The following MOK variants were observed in gnomAD, a reference collection of about 807,000 sequenced individuals.
MOK encodes MAPK/MAK/MRK overlapping kinase.
MOK carries 59 observed loss-of-function variants against 54.2 expected under a neutral mutation model. That is an observed-to-expected ratio of 1.09 (90% CI 0.88 to 1.35). The LOEUF is 1.35. Ranked by LOEUF, MOK falls within the 40% of genes most tolerant of loss-of-function variation. The pLI, the probability that MOK is intolerant of heterozygous loss-of-function variation, is 0.00. For synonymous variants in MOK, 210 were observed against 202.7 expected, an observed-to-expected ratio of 1.04 and a Z score of -0.31; for missense variants, 517 against 526.2, an observed-to-expected ratio of 0.98 and a Z score of 0.17.
intron 2 of MOK, among the ~76,000 whole-genome samples, chr14:102,275,072 ACAGT>A (rs916064600): frequency 8.5e-5 from 13 of 152,226 alleles, no homozygotes; most frequent in Admixed American, 8.5e-4. Flanking sequence ...TGGCATAATG[ACAGT>A]CAAAGAGAGC....
chr14:102,226,482 G>C (rs949503184), downstream of MOK: 1 of 700,586 alleles, frequency 1.4e-6, no homozygotes, highest in Non-Finnish European at 2.6e-6. This position sits in a 1 kb window ranked among gnomAD's most constrained non-coding sequence, Gnocchi z 4.8. Context: ...CAGGGTTCAC[G>C]AGCTTTCCAG....
rs2065414284 is a variant in MOK at position 102,238,471 on chromosome 14, T to C, written c.591-4682A>G. On this transcript the variant is annotated intron_variant, in intron 7 of 11. Coordinates refer to ENST00000361847, the MANE Select transcript of MOK (RefSeq NM_014226.3). The surrounding 1 kb of genome is among the most constrained non-coding windows in gnomAD (Gnocchi z 4.8). ...CATCTCCCAACTGAGGCAGGAGTTA[T>C]ACACTGTTGGGGACATCACACAGGA... The C allele has an allele frequency of 6.6e-6, 1 of 152,166 alleles. No individual in the cohort carries two copies. The highest frequency in any genetic ancestry group is 2.4e-5 in the African/African-American group (1 of 41,398). The allele number at this position is 152,166 out of a possible 1,614,324, so 9.4% of individuals were successfully genotyped here. A position where few individuals can be genotyped will look rare whatever the true frequency, so the allele number is the denominator to read the frequency against.
rs1242623210 is a variant in MOK at position 102,293,481 on chromosome 14, C to G, written c.8-9889G>C. ...TGGGAGGCTGAGGCAGGCGGATCAC[C>G]TGAGGTCAGGAGTTCGAGACCAGCA... On this transcript the variant is annotated intron_variant, in intron 1 of 11. Coordinates refer to ENST00000361847, the MANE Select transcript of MOK (RefSeq NM_014226.3). 7.3e-5 allele frequency among the ~76,000 whole-genome samples: 11 copies of G among 151,692 alleles called. No individual in the cohort carries two copies. In the South Asian group the frequency reaches 1.5e-3, roughly 20 times the overall value.
chr14:102,223,676 G>T (rs942576847), downstream of MOK: 1 of 152,350 alleles, frequency 6.6e-6, no homozygotes, highest in Non-Finnish European at 1.5e-5. Flanking sequence ...TGAATATACC[G>T]CTTGTTTATC....
intron 4 of MOK, among the ~76,000 whole-genome samples, chr14:102,252,991 A>C (rs926578251): frequency 6.6e-6 from 1 of 152,226 alleles, no homozygotes; most frequent in Admixed American, 6.5e-5. Flanking sequence ...GAGACACCGC[A>C]AGGGCCTGTT....
At chr14:102,255,322 A>C (rs1311663997) in intron 4 of MOK, among the ~76,000 whole-genome samples, 2 of 152,184 alleles carry the variant, frequency 1.3e-5, no homozygotes, top group African/African-American at 4.8e-5. Flanking sequence ...TGTCTCAAAA[A>C]ACAATAAAAT....
chr14:102,291,395 T>C (rs1567238195), intron 1 of MOK, among the ~76,000 whole-genome samples: 1 of 152,210 alleles, frequency 6.6e-6, no homozygotes, highest in South Asian at 2.1e-4. Flanking sequence ...TTTTGACAAG[T>C]TTCTTGAGGA....
chr14:102,222,433 G>A (rs867492430), downstream of MOK, among the ~76,000 whole-genome samples: 3 of 152,310 alleles, frequency 2.0e-5, no homozygotes, highest in South Asian at 6.2e-4. This position sits in a 1 kb window ranked among gnomAD's most constrained non-coding sequence, Gnocchi z 4.4. Context: ...TGGGTGTGCG[G>A]TCCAGAACTG....
At chr14:102,256,429 A>C (rs1243430081) in intron 4 of MOK, among the ~76,000 whole-genome samples, 1 of 151,710 alleles carries the variant, frequency 6.6e-6, no homozygotes, top group Non-Finnish European at 1.5e-5. Context: ...TAGCCAGGCT[A>C]ATTTAGTGGT....
intron 6 of MOK, 152 bp from the exon 7 acceptor site, chr14:102,251,142 G>A: frequency 1.3e-6 from 1 of 760,996 alleles, no homozygotes; most frequent in Non-Finnish European, 2.1e-6. Flanking sequence ...GCACCTCAAA[G>A]TGCCTCCAGC....
rs145899128 is a variant in MOK at position 102,238,062 on chromosome 14, C to T, written c.591-4273G>A. The stretch of plus-strand genomic sequence containing the variant: ...CCCTTCCTACTCATTCTTGCACTGA[C>T]GTCCTAGATCACCTGCAGCCACACT... On this transcript the variant is annotated intron_variant, in intron 7 of 11. Coordinates refer to ENST00000361847, the MANE Select transcript of MOK (RefSeq NM_014226.3). This position sits in a 1 kb window ranked among gnomAD's most constrained non-coding sequence, Gnocchi z 4.8. 1.3e-5 allele frequency: 2 copies of T among 152,360 alleles called. No homozygotes were observed. Among genetic ancestry groups the T allele is most frequent in the East Asian group, 1.9e-4 (1 of 5,176 alleles). The allele number at this position is 152,360 out of a possible 1,614,324, so 9.4% of individuals were successfully genotyped here.
At chr14:102,225,007 C>A, downstream of MOK, 1 of 343,854 alleles carries the variant, frequency 2.9e-6, no homozygotes, top group East Asian at 7.8e-5. Flanking sequence ...AAAACAGCTA[C>A]AGTGAACTGC....
intron 2 of MOK, among the ~76,000 whole-genome samples, chr14:102,272,889 G>C (rs932628063): frequency 2.0e-5 from 3 of 152,034 alleles, no homozygotes; most frequent in African/African-American, 7.2e-5. Flanking sequence ...AAAAAGTCAT[G>C]GGCCGGGCAC....
intron 2 of MOK, among the ~76,000 whole-genome samples, chr14:102,275,097 A>G (rs2068732410): frequency 6.6e-6 from 1 of 152,226 alleles, no homozygotes; most frequent in Non-Finnish European, 1.5e-5. Context: ...AATGAAACAG[A>G]ATAGAGAGTC....
chr14:102,242,462 C>A (rs1029113731), intron 7 of MOK, among the ~76,000 whole-genome samples: 7 of 152,030 alleles, frequency 4.6e-5, no homozygotes, highest in African/African-American at 1.7e-4. Context: ...CAGTTCAAAG[C>A]CTCCTTCACA....
At chr14:102,302,632 G>A (rs1371048241) in intron 1 of MOK, among the ~76,000 whole-genome samples, 4 of 151,170 alleles carry the variant, frequency 2.6e-5, no homozygotes, top group Non-Finnish European at 4.4e-5. Flanking sequence ...AGCTGGGATG[G>A]TATTGATCTC....
At chr14:102,281,530 A>G (rs1244336921) in intron 2 of MOK, among the ~76,000 whole-genome samples, 1 of 150,430 alleles carries the variant, frequency 6.6e-6, no homozygotes. Flanking sequence ...AAAAAAAAGC[A>G]TCACACCCTA....
chr14:102,261,552 G>C (rs182958348), intron 4 of MOK, among the ~76,000 whole-genome samples: 37 of 144,554 alleles, frequency 2.6e-4, no homozygotes, highest in African/African-American at 9.5e-4. Context: ...ATTTTCTGTT[G>C]AGATGGAGTC....
intron 4 of MOK, among the ~76,000 whole-genome samples, chr14:102,256,204 C>G (rs1243588246): frequency 6.6e-6 from 1 of 151,996 alleles, no homozygotes; most frequent in African/African-American, 2.4e-5. Context: ...TCAAGCCATC[C>G]TCCCACCTCA....
Sources: gnomAD v4.1 joint callset for allele counts (sites outside exome capture counted in the v4.1 genomes callset) on GRCh38, gnomAD v4.1.1 for gene constraint, Gnocchi (gnomAD v3.1) non-coding constraint, MANE v1.5 for transcripts, NCBI Gene and HGNC (gene_info 2026-07-23, HGNC 2026-07-21) for gene names.